The following CHODL variants were observed in gnomAD, a reference collection of about 807,000 sequenced individuals.
CHODL encodes the protein chondrolectin, also known as transmembrane protein MT75.
Under a neutral mutation model 34.5 loss-of-function variants are expected in CHODL, and 29 were observed. That is an observed-to-expected ratio of 0.84 (90% CI 0.63 to 1.15). The LOEUF is 1.15. CHODL is among the 50% of genes most tolerant of loss of function. The probability of loss-of-function intolerance (pLI) is 0.00; values close to 1 mark genes in which losing one functional copy is unlikely to be tolerated. For missense variants in CHODL, 332 were observed against 332.5 expected, an observed-to-expected ratio of 1.00 and a Z score of 0.01; for synonymous variants, 125 against 116.1, an observed-to-expected ratio of 1.08 and a Z score of -0.49.
At chr21:17,953,015 C>A (rs988423350) in intron 1 of CHODL, among the ~76,000 whole-genome samples, 1 of 152,096 alleles carries the variant, frequency 6.6e-6, no homozygotes, top group Non-Finnish European at 1.5e-5. Context: ...CCCCCATGAT[C>A]CAGTCACCTC....
At chr21:18,094,351 T>C (rs1315999568) in intron 2 of CHODL, among the ~76,000 whole-genome samples, 1 of 152,196 alleles carries the variant, frequency 6.6e-6, no homozygotes, top group Non-Finnish European at 1.5e-5. Context: ...ATCTGCACTA[T>C]AGAACAAATT....
At chr21:18,087,110 T>C (rs2065017043) in intron 2 of CHODL, among the ~76,000 whole-genome samples, 1 of 152,104 alleles carries the variant, frequency 6.6e-6, no homozygotes, top group Non-Finnish European at 1.5e-5. Flanking sequence ...CCCAGCTGGG[T>C]GGTGGCCTCA....
chr21:17,949,687 A>G (rs2063440459), intron 1 of CHODL, among the ~76,000 whole-genome samples: 1 of 152,200 alleles, frequency 6.6e-6, no homozygotes, highest in African/African-American at 2.4e-5. Flanking sequence ...AGTAAATGTT[A>G]TAGTCTTGAA....
chr21:18,236,144 T>A (rs9977338), intron 2 of CHODL, among the ~76,000 whole-genome samples: 46,393 of 151,960 alleles, frequency 0.31, 9,139 homozygotes, highest in African/African-American at 0.56. Context: ...GGAAACTTAC[T>A]ATCATGGCAA....
chr21:18,105,222 A>C (rs1299274303), intron 2 of CHODL, among the ~76,000 whole-genome samples: 1 of 152,194 alleles, frequency 6.6e-6, no homozygotes, highest in African/African-American at 2.4e-5. Flanking sequence ...ACGGGAGGTC[A>C]CAGCTGCATG....
At chr21:18,197,169 T>C (rs903049030) in intron 2 of CHODL, among the ~76,000 whole-genome samples, 1 of 152,202 alleles carries the variant, frequency 6.6e-6, no homozygotes, top group African/African-American at 2.4e-5. Flanking sequence ...AATGTGTGCT[T>C]TTATAAATAT....
At chr21:18,141,721 A>AG in intron 2 of CHODL, among the ~76,000 whole-genome samples, 1 of 129,748 alleles carries the variant, frequency 7.7e-6, no homozygotes, top group East Asian at 2.1e-4. Context: ...GAGAAAGAAC[A>AG]GGAAAAAAAA....
chr21:18,157,036 C>G (rs149504835), intron 2 of CHODL, among the ~76,000 whole-genome samples: 1 of 152,142 alleles, frequency 6.6e-6, no homozygotes, highest in Non-Finnish European at 1.5e-5. Flanking sequence ...TTAAGTGTTG[C>G]GGCGAAGAAG....
rs927751777 is a variant in CHODL, at chr21:18,244,853, C to A, written c.-371C>A. On this transcript the variant is annotated 5_prime_UTR_variant, in exon 1 of 6. Transcript: ENST00000299295. ...CGGCTGCTGCTGCTGTGATCCAGGACCAGGGCGCACCGGCTCAGCCTCTCA... is the reference window on the plus strand; with the variant it reads ...CGGCTGCTGCTGCTGTGATCCAGGAACAGGGCGCACCGGCTCAGCCTCTCA... 15 of 215,282 alleles carry A rather than the reference C, an allele frequency of 7.0e-5. No homozygotes were observed. Among genetic ancestry groups the A allele is most frequent in the Non-Finnish European group, 1.3e-4 (14 of 110,122 alleles). The allele number at this position is 215,282 out of a possible 1,614,324, so 13.3% of individuals were successfully genotyped here.
chr21:18,118,335 TCAAAGA>T (rs2065438024), intron 2 of CHODL, among the ~76,000 whole-genome samples: 1 of 151,970 alleles, frequency 6.6e-6, no homozygotes, highest in South Asian at 2.1e-4. Context: ...TGCAAAACAC[TCAAAGA>T]CAGTAGGTAA....
chr21:18,129,392 C>T (rs2072624441), intron 2 of CHODL, among the ~76,000 whole-genome samples: 1 of 152,058 alleles, frequency 6.6e-6, no homozygotes, highest in African/African-American at 2.4e-5. Flanking sequence ...AATTATTCCT[C>T]CTGGCAACAT....
chr21:18,243,226 T>C (rs1384797514), upstream of CHODL, among the ~76,000 whole-genome samples: 1 of 152,220 alleles, frequency 6.6e-6, no homozygotes, highest in Non-Finnish European at 1.5e-5. Context: ...TTTATTTCTT[T>C]CTCTACACTG....
chr21:18,237,031 A>G (rs2146764741), intron 2 of CHODL, among the ~76,000 whole-genome samples: 1 of 152,274 alleles, frequency 6.6e-6, no homozygotes, highest in African/African-American at 2.4e-5. Context: ...GAGAAGAAAT[A>G]TGCTGTGGTT....
chr21:18,108,677 A>C (rs1231991018), intron 2 of CHODL, among the ~76,000 whole-genome samples: 1 of 152,198 alleles, frequency 6.6e-6, no homozygotes, highest in African/African-American at 2.4e-5. Context: ...ATCCTTTATG[A>C]ATTAAAATTT....
intron 1 of CHODL, among the ~76,000 whole-genome samples, chr21:17,917,584 A>C (rs2063149986): frequency 6.8e-6 from 1 of 147,942 alleles, no homozygotes; most frequent in South Asian, 2.1e-4. Flanking sequence ...GCCCTACCCA[A>C]GGTGGGGCCA....
At chr21:18,117,919 GCAGGGCTCTTTAAGTTTT>G (rs1011900351) in intron 2 of CHODL, among the ~76,000 whole-genome samples, 17 of 152,162 alleles carry the variant, frequency 1.1e-4, no homozygotes, top group Admixed American at 7.2e-4. Flanking sequence ...GGCTTGCTGT[GCAGGGCTCTTTAAGTTTT>G]CAGGTAACTC....
upstream of CHODL, among the ~76,000 whole-genome samples, chr21:18,241,392 G>A (rs60319881): frequency 1.2e-4 from 19 of 152,246 alleles, no homozygotes; most frequent in African/African-American, 2.4e-5. Flanking sequence ...ATTAGATAAA[G>A]TATAATAGAA....
chr21:18,246,038 TTG>T (rs2074137643), intron 1 of CHODL: 3 of 1,056,818 alleles, frequency 2.8e-6, no homozygotes, highest in Non-Finnish European at 4.2e-6. Flanking sequence ...GCTTCCCAGG[TTG>T]TCTTTGATTT....
chr21:18,065,703 C>G (rs1186725462), intron 2 of CHODL, among the ~76,000 whole-genome samples: 2 of 152,106 alleles, frequency 1.3e-5, no homozygotes, highest in African/African-American at 4.8e-5. Context: ...AGTGATCATT[C>G]ATCATTCAGA....
Sources: allele counts gnomAD v4.1 joint callset (sites outside exome capture counted in the v4.1 genomes callset), GRCh38; gene constraint gnomAD v4.1.1; transcripts MANE v1.5; gene names NCBI Gene and HGNC (gene_info 2026-07-23, HGNC 2026-07-21).